Variants in TLK2 observed in about 807,000 individuals in gnomAD.
TLK2 encodes tousled like kinase 2.
In TLK2, 6 loss-of-function variants were observed where a neutral mutation model predicts 117.3. The ratio of observed to expected loss-of-function variants is 0.05; its 90% CI spans 0.03 to 0.10. The LOEUF is 0.10. Among genes scored for constraint, TLK2 ranks in the 10% least tolerant of loss-of-function variants. The pLI is 1.00. For synonymous variants in TLK2, 257 were observed against 316.7 expected, an observed-to-expected ratio of 0.81 and a Z score of 2.00; for missense variants, 299 against 901.2, an observed-to-expected ratio of 0.33 and a Z score of 8.56.
chr17:62,473,625 C>T (rs1329342981), intron 1 of TLK2, among the ~76,000 whole-genome samples: 2 of 152,170 alleles, frequency 1.3e-5, no homozygotes, highest in African/African-American at 2.4e-5. Context: ...CAGCAATCTG[C>T]GTTTGAACAA....
intron 16 of TLK2, among the ~76,000 whole-genome samples, chr17:62,595,100 TACAGGTGGCC>T: frequency 1.3e-5 from 2 of 152,146 alleles, no homozygotes; most frequent in South Asian, 4.2e-4. Flanking sequence ...TAGTGGGGAT[TACAGGTGGCC>T]ACCACCACGG....
chr17:62,607,966 T>A (rs2083441664), intron 20 of TLK2, 75 bp from the exon 21 acceptor site: 1 of 1,244,358 alleles, frequency 8.0e-7, no homozygotes, highest in Non-Finnish European at 1.1e-6. Context: ...TCCTTTTCCT[T>A]CCCTGGGGTA....
At chr17:62,514,642 G>T (rs974909338) in intron 2 of TLK2, among the ~76,000 whole-genome samples, 6 of 150,102 alleles carry the variant, frequency 4.0e-5, no homozygotes, top group South Asian at 2.1e-4. Context: ...GCAGTGGCGC[G>T]ATCTTGGATC....
chr17:62,607,185 G>A (rs1415062753), intron 20 of TLK2, among the ~76,000 whole-genome samples: 1 of 151,944 alleles, frequency 6.6e-6, no homozygotes, highest in Non-Finnish European at 1.5e-5. Context: ...CCAGTATAGA[G>A]AGACTTGAGT....
intron 16 of TLK2, among the ~76,000 whole-genome samples, chr17:62,588,670 T>G (rs1285525537): frequency 6.6e-6 from 1 of 152,122 alleles, no homozygotes. Context: ...TGTTTTGTTT[T>G]GTTTTCCAAT....
At chr17:62,496,802 A>G (rs2073737918) in intron 2 of TLK2, among the ~76,000 whole-genome samples, 1 of 151,816 alleles carries the variant, frequency 6.6e-6, no homozygotes, top group Admixed American at 6.6e-5. Flanking sequence ...AAAAGTACAA[A>G]AAAAATTAGC....
chr17:62,597,613 C>T (rs193119432), intron 17 of TLK2, among the ~76,000 whole-genome samples: 7 of 152,210 alleles, frequency 4.6e-5, no homozygotes, highest in Admixed American at 4.6e-4. Flanking sequence ...AGAAATGTGG[C>T]ACTAATGAAG....
At chr17:62,572,067 G>A (rs1159744075) in intron 11 of TLK2, among the ~76,000 whole-genome samples, 1 of 151,978 alleles carries the variant, frequency 6.6e-6, no homozygotes, top group East Asian at 1.9e-4. Context: ...CTATTAGGGA[G>A]GCTGAGGCAC....
At chr17:62,570,950 T>G (rs945374039) in intron 11 of TLK2, among the ~76,000 whole-genome samples, 25 of 152,230 alleles carry the variant, frequency 1.6e-4, no homozygotes, top group African/African-American at 5.8e-4. Flanking sequence ...AGTTTATAGT[T>G]TAAACTGTAT....
intron 7 of TLK2, among the ~76,000 whole-genome samples, chr17:62,540,979 G>A (rs1037520925): frequency 5.3e-5 from 8 of 152,106 alleles, no homozygotes; most frequent in African/African-American, 1.9e-4. Context: ...TAGCCACCTT[G>A]TTTTCTCAAA....
intron 1 of TLK2, among the ~76,000 whole-genome samples, chr17:62,480,877 A>G (rs2071563856): frequency 6.6e-6 from 1 of 152,210 alleles, no homozygotes; most frequent in Non-Finnish European, 1.5e-5. Flanking sequence ...TGTTAAAATC[A>G]AATCAGAACT....
chr17:62,521,136 G>A (rs566826705), intron 3 of TLK2, among the ~76,000 whole-genome samples: 1 of 152,174 alleles, frequency 6.6e-6, no homozygotes, highest in South Asian at 2.1e-4. Flanking sequence ...CTCCATCCTG[G>A]GCGACAGAGT....
At chr17:62,604,298 C>T (rs1046176231) in intron 19 of TLK2, among the ~76,000 whole-genome samples, 7 of 152,110 alleles carry the variant, frequency 4.6e-5, no homozygotes, top group Admixed American at 2.0e-4. Flanking sequence ...TGAGCCACCA[C>T]GCCTGGCTGA....
chr17:62,590,727 C>T (rs2082014412), intron 16 of TLK2, among the ~76,000 whole-genome samples: 1 of 152,184 alleles, frequency 6.6e-6, no homozygotes, highest in African/African-American at 2.4e-5. Context: ...AATCTTCCCA[C>T]TTCAGCCCGC....
chr17:62,543,094 T>C (rs2077655001), intron 7 of TLK2, among the ~76,000 whole-genome samples: 1 of 152,222 alleles, frequency 6.6e-6, no homozygotes, highest in Non-Finnish European at 1.5e-5. Flanking sequence ...ATGAGGCTTT[T>C]AAATTTTTTT....
chr17:62,603,870 A>G (rs146123514), intron 19 of TLK2, among the ~76,000 whole-genome samples: 77 of 152,330 alleles, frequency 5.1e-4, no homozygotes, highest in Admixed American at 1.9e-3. Context: ...CATAATCACT[A>G]TCTTCAGTAT....
rs58856005 is a variant in TLK2 at position 62,564,535 on chromosome 17, C to CA, written c.832-443dup. On this transcript the variant is annotated intron_variant, in intron 10 of 21. Coordinates refer to ENST00000346027, the MANE Select transcript of TLK2 (RefSeq NM_006852.6). The stretch of plus-strand genomic sequence containing the variant: ...TGGGCAACAGAGTGAGACTTCGTCT[C>CA]AAAAAAAAAAAAAAAAAAAAAAATT... Among the ~76,000 whole-genome samples, 163 of 63,294 alleles carry CA rather than the reference C, an allele frequency of 2.6e-3. 2 individuals carry two copies. The highest frequency in any genetic ancestry group is 4.1e-3 in the South Asian group (7 of 1,720). The allele number at this position is 63,294 out of a possible 152,430, so 41.5% of individuals were successfully genotyped here. A position where few individuals can be genotyped will look rare whatever the true frequency, so the allele number is the denominator to read the frequency against.
At chr17:62,587,176 G>C (rs1229895513) in intron 16 of TLK2, among the ~76,000 whole-genome samples, 1 of 152,178 alleles carries the variant, frequency 6.6e-6, no homozygotes, top group East Asian at 1.9e-4. Flanking sequence ...TTGTTCCACT[G>C]ATGTCAGGTT....
Position 62,513,665 on chromosome 17 carries a change from A to G in TLK2, c.82-7108A>G, listed in dbSNP as rs377214563. On this transcript the variant is annotated intron_variant, in intron 2 of 21. Coordinates refer to ENST00000346027, the MANE Select transcript of TLK2 (RefSeq NM_006852.6). The stretch of plus-strand genomic sequence containing the variant: ...TACTTTTGTAAAAAATCAGTTGGAT[A>G]TATTTATGTGGGTCTGTTTTTTTTG... Among the ~76,000 whole-genome samples, 526 of 151,928 alleles carry G rather than the reference A, an allele frequency of 3.5e-3. 6 individuals carry two copies. The highest frequency in any genetic ancestry group is 0.012 in the African/African-American group (510 of 41,420).
Sources: allele counts gnomAD v4.1 joint callset (sites outside exome capture counted in the v4.1 genomes callset), GRCh38; gene constraint gnomAD v4.1.1; transcripts MANE v1.5; gene names NCBI Gene and HGNC (gene_info 2026-07-23, HGNC 2026-07-21).